Variants in GRM7 observed in about 807,000 individuals in gnomAD.
GRM7 encodes glutamate metabotropic receptor 7.
In GRM7, 35 loss-of-function variants were observed where a neutral mutation model predicts 84.5. The observed-to-expected ratio is 0.41, with a 90% CI of 0.32 to 0.55. GRM7 has a LOEUF of 0.55. Among genes scored for constraint, GRM7 ranks in the 20% least tolerant of loss-of-function variants. The pLI is 0.19. For missense variants in GRM7, 1,003 were observed against 1,194.6 expected (o/e 0.84, Z 2.36); for synonymous variants, 487 against 455.1 (o/e 1.07, Z -0.89).
chr3:7,232,784 A>G (rs143680148), intron 2 of GRM7, among the ~76,000 whole-genome samples: 264 of 152,332 alleles, frequency 1.7e-3, no homozygotes, highest in African/African-American at 5.6e-3. Flanking sequence ...GCTAGTAAGT[A>G]GCAGAGCTAA....
chr3:7,291,795 G>A (rs1409441170), intron 2 of GRM7, among the ~76,000 whole-genome samples: 1 of 152,130 alleles, frequency 6.6e-6, no homozygotes, highest in Non-Finnish European at 1.5e-5. Context: ...GAATGGAGGT[G>A]ATATGGTTTG....
intron 1 of GRM7, among the ~76,000 whole-genome samples, chr3:6,887,393 A>G (rs1574970720): frequency 7.3e-6 from 1 of 137,696 alleles, no homozygotes; most frequent in Middle Eastern, 3.3e-3. Context: ...CCCCCACCCC[A>G]CAACAGTCCA....
rs149293013 is a variant in GRM7, at chr3:7,579,451, C to T, written c.2451+94C>T. 1.2e-3 allele frequency: 808 copies of T among 699,824 alleles called. 3 individuals carry two copies. The African/African-American group carries it at 0.012, about 11-fold the overall frequency. 43.4% of individuals were successfully genotyped at this position (699,824 alleles called of 1,614,324 possible). A position where few individuals can be genotyped will look rare whatever the true frequency, so the allele number is the denominator to read the frequency against. On this transcript the variant is annotated intron_variant, in intron 8 of 9. Coordinates refer to ENST00000357716, the MANE Select transcript of GRM7 (RefSeq NM_000844.4). The stretch of plus-strand genomic sequence containing the variant: ...ATTGATTGTATAAAGTAAGAAGTTT[C>T]GTATATGCAGAATGGTATTTCCAAG...
chr3:7,478,018 T>C (rs1012141487), intron 7 of GRM7, among the ~76,000 whole-genome samples: 14 of 152,246 alleles, frequency 9.2e-5, no homozygotes, highest in African/African-American at 3.4e-4. Context: ...GTGAGTGGAT[T>C]TTTTTGAATT....
intron 2 of GRM7, among the ~76,000 whole-genome samples, chr3:7,273,127 T>C (rs1379431430): frequency 3.3e-5 from 5 of 152,160 alleles, no homozygotes; most frequent in African/African-American, 1.2e-4. Context: ...AAGTGTGTTA[T>C]ATGATATCCA....
At chr3:7,189,594 T>G (rs189490762) in intron 2 of GRM7, among the ~76,000 whole-genome samples, 1 of 152,156 alleles carries the variant, frequency 6.6e-6, no homozygotes, top group Non-Finnish European at 1.5e-5. Flanking sequence ...CAGCTGATTA[T>G]AGATAGAAAG....
intron 8 of GRM7, among the ~76,000 whole-genome samples, chr3:7,675,080 G>A (rs903823486): frequency 6.6e-6 from 1 of 152,160 alleles, no homozygotes; most frequent in Admixed American, 6.5e-5. Context: ...GATAAAAGTG[G>A]TGATTCATTA....
At chr3:7,530,173 A>C (rs1700982067) in intron 7 of GRM7, among the ~76,000 whole-genome samples, 1 of 141,064 alleles carries the variant, frequency 7.1e-6, no homozygotes, top group Non-Finnish European at 1.5e-5. Flanking sequence ...ACTCCCAATT[A>C]TAAGTGAGGA....
At chr3:7,044,838 G>T (rs73808617) in intron 1 of GRM7, among the ~76,000 whole-genome samples, 9,917 of 152,178 alleles carry the variant, frequency 0.065, 363 homozygotes, top group Middle Eastern at 0.12. Flanking sequence ...CACTCACAGA[G>T]ATCCTAATTT....
intron 2 of GRM7, among the ~76,000 whole-genome samples, chr3:7,204,988 G>T (rs1696187238): frequency 6.6e-6 from 1 of 152,148 alleles, no homozygotes; most frequent in Non-Finnish European, 1.5e-5. Flanking sequence ...TTGCTTTATG[G>T]GTGACTTATT....
intron 7 of GRM7, among the ~76,000 whole-genome samples, chr3:7,485,683 T>C (rs1182302480): frequency 6.6e-6 from 1 of 152,226 alleles, no homozygotes; most frequent in Non-Finnish European, 1.5e-5. Context: ...ATTCTTCCAA[T>C]TGTTGTGGCA....
chr3:7,043,045 G>C (rs952587093), intron 1 of GRM7, among the ~76,000 whole-genome samples: 3 of 152,186 alleles, frequency 2.0e-5, no homozygotes, highest in Non-Finnish European at 4.4e-5. Context: ...GGAAAACACT[G>C]TTTTGAGTAC....
chr3:7,202,187 A>G (rs1257453804), intron 2 of GRM7, among the ~76,000 whole-genome samples: 1 of 152,178 alleles, frequency 6.6e-6, no homozygotes, highest in Non-Finnish European at 1.5e-5. Context: ...TGATATATGT[A>G]GAAGATAAGT....
intron 1 of GRM7, among the ~76,000 whole-genome samples, chr3:7,022,937 A>C (rs528050952): frequency 6.6e-6 from 1 of 152,196 alleles, no homozygotes; most frequent in Admixed American, 6.5e-5. Context: ...AACCCAGTGT[A>C]TTATAGAAGG....
chr3:7,650,022 T>C (rs1698851476), intron 8 of GRM7, among the ~76,000 whole-genome samples: 2 of 152,182 alleles, frequency 1.3e-5, no homozygotes, highest in Admixed American at 1.3e-4. Context: ...GACTTATTTG[T>C]TTTTATGTTC....
chr3:7,461,707 C>T lies in GRM7; in HGVS notation c.1500C>T (p.Asp500=), dbSNP rs144429264. The T allele has an allele frequency of 3.3e-5, 53 of 1,613,876 alleles. No individual in the cohort carries two copies. Among genetic ancestry groups the T allele is most frequent in the African/African-American group, 2.0e-4 (15 of 75,016 alleles). ...PGYRLIGQWT[D]ELQLNIEDMQ... is the part of the protein sequence containing the mutation. ...ACCGTCTGATCGGGCAGTGGACAGA[C>T]GAACTTCAGCTCAATGTGAGTTCTG... The change falls in exon 7 of 10, where the codon GAC becomes GAT. Residue 500 remains aspartate (D), a synonymous_variant. Transcript: ENST00000357716.
chr3:6,943,763 C>A (rs1559342734), intron 1 of GRM7, among the ~76,000 whole-genome samples: 1 of 151,990 alleles, frequency 6.6e-6, no homozygotes, highest in South Asian at 2.1e-4. Flanking sequence ...TGAATGTATT[C>A]ATCAATTTGA....
chr3:7,693,621 GT>G, intron 9 of GRM7: 1 of 1,504,836 alleles, frequency 6.6e-7, no homozygotes, highest in Non-Finnish European at 8.9e-7. Flanking sequence ...TTGAGCTGTT[GT>G]TTTTATTCAG....
At chr3:7,243,252 C>A (rs1362436598) in intron 2 of GRM7, among the ~76,000 whole-genome samples, 3 of 152,034 alleles carry the variant, frequency 2.0e-5, no homozygotes, top group East Asian at 1.9e-4. Flanking sequence ...GCAGAGCTAC[C>A]AGTAGCCCAA....
Sources: gnomAD v4.1 joint callset for allele counts (sites outside exome capture counted in the v4.1 genomes callset) on GRCh38, gnomAD v4.1.1 for gene constraint, MANE v1.5 for transcripts, NCBI Gene and HGNC (gene_info 2026-07-23, HGNC 2026-07-21) for gene names.